Variants in EPB41 observed in about 807,000 individuals in gnomAD.
EPB41 encodes erythrocyte membrane protein band 4.1, also known as protein 4.1.
Under a neutral mutation model 108.0 loss-of-function variants are expected in EPB41, and 65 were observed. The observed-to-expected ratio is 0.60, with a 90% CI of 0.49 to 0.74. The LOEUF (loss-of-function observed/expected upper bound fraction) is 0.74. EPB41 is among the 30% of genes least tolerant of loss of function. The pLI, the probability that EPB41 is intolerant of heterozygous loss-of-function variation, is 0.00. For synonymous variants in EPB41, 336 were observed against 358.9 expected (o/e 0.94, Z 0.72); for missense variants, 875 against 1,037.0 (o/e 0.84, Z 2.15).
intron 15 of EPB41, among the ~76,000 whole-genome samples, chr1:29,063,979 A>G (rs1299132497): frequency 6.6e-6 from 1 of 152,144 alleles, no homozygotes. Context: ...CCTAAGCTTC[A>G]TTCATTTCTC....
chr1:28,938,576 A>C (rs769530397), intron 1 of EPB41, among the ~76,000 whole-genome samples: 1 of 149,696 alleles, frequency 6.7e-6, no homozygotes, highest in Non-Finnish European at 1.5e-5. Flanking sequence ...TGCGTCATCC[A>C]GGCTGGAGTG....
intron 1 of EPB41, among the ~76,000 whole-genome samples, chr1:28,901,010 A>T (rs1275894335): frequency 6.6e-6 from 1 of 151,744 alleles, no homozygotes; most frequent in Non-Finnish European, 1.5e-5. Flanking sequence ...GCTCACTGCA[A>T]ACTCCGCCTC....
chr1:28,926,702 A>G (rs1001073133), intron 1 of EPB41, among the ~76,000 whole-genome samples: 5 of 152,386 alleles, frequency 3.3e-5, no homozygotes, highest in African/African-American at 1.2e-4. Flanking sequence ...TGTGCCTGTC[A>G]GAGGTACTCA....
At chr1:29,087,096 C>A (rs1258676087) in intron 16 of EPB41, among the ~76,000 whole-genome samples, 1 of 151,818 alleles carries the variant, frequency 6.6e-6, no homozygotes, top group African/African-American at 2.4e-5. Flanking sequence ...CGCCCGCCAC[C>A]ATGCCCGGCT....
At chr1:28,934,201 A>C (rs969736819) in intron 1 of EPB41, among the ~76,000 whole-genome samples, 3 of 152,224 alleles carry the variant, frequency 2.0e-5, no homozygotes, top group African/African-American at 7.2e-5. Context: ...TCATTATTAG[A>C]CTTGATAATG....
intron 16 of EPB41, chr1:29,069,479 A>C (rs190299267): frequency 1.7e-6 from 2 of 1,198,836 alleles, no homozygotes; most frequent in African/African-American, 3.1e-5. Context: ...TTGGAGGGAC[A>C]TTATAAACTT....
At chr1:29,109,819 A>G in intron 18 of EPB41, 1 of 338,046 alleles carries the variant, frequency 3.0e-6, no homozygotes. Flanking sequence ...GGATCACCTG[A>G]GATCAGGAGT....
chr1:28,975,404 A>C (rs946613115), intron 1 of EPB41, among the ~76,000 whole-genome samples: 4 of 152,132 alleles, frequency 2.6e-5, no homozygotes, highest in Non-Finnish European at 5.9e-5. Flanking sequence ...AGGCTTTTCA[A>C]GTTTCTCTGC....
intron 1 of EPB41, among the ~76,000 whole-genome samples, chr1:28,888,774 C>T (rs1217403122): frequency 6.6e-6 from 1 of 152,030 alleles, no homozygotes; most frequent in Non-Finnish European, 1.5e-5. Context: ...ATTACAGGCG[C>T]CCGCCACCGC....
chr1:28,915,177 C>T (rs754137099), intron 1 of EPB41, among the ~76,000 whole-genome samples: 13 of 152,176 alleles, frequency 8.5e-5, no homozygotes, highest in African/African-American at 1.7e-4. Context: ...GCGATTTCTT[C>T]CTGGCGAGGG....
At chr1:29,079,350 G>A (rs538251232) in intron 16 of EPB41, among the ~76,000 whole-genome samples, 19 of 151,786 alleles carry the variant, frequency 1.3e-4, no homozygotes, top group African/African-American at 4.3e-4. Flanking sequence ...TTTAAGCGCT[G>A]GTATAAATTT....
chr1:28,974,968 A>AT (rs1362333147), intron 1 of EPB41, among the ~76,000 whole-genome samples: 1 of 151,710 alleles, frequency 6.6e-6, no homozygotes, highest in East Asian at 1.9e-4. Flanking sequence ...CTAATTTTGT[A>AT]TTTTTAGTAG....
At chr1:29,047,975 G>A (rs1558145474) in intron 11 of EPB41, among the ~76,000 whole-genome samples, 1 of 151,590 alleles carries the variant, frequency 6.6e-6, no homozygotes, top group Non-Finnish European at 1.5e-5. Flanking sequence ...GTAGAGACGA[G>A]GTTTCACCAT....
Position 29,039,434 on chromosome 1 carries a change from T to G in EPB41, c.1636+8T>G. On this transcript the variant is annotated splice_region_variant and intron_variant, in intron 11 of 20. Coordinates refer to ENST00000343067, the MANE Select transcript of EPB41 (RefSeq NM_001376013.1). ...CCCGGAGCCTCGATGGAGGTTTGTA[T>G]TGAATATTAATGATTTCTTGTGATC... 6.2e-7 allele frequency: 1 copy of G among 1,613,674 alleles called. No homozygotes were observed. Among genetic ancestry groups the G allele is most frequent in the Non-Finnish European group, 8.5e-7 (1 of 1,179,906 alleles).
intron 1 of EPB41, among the ~76,000 whole-genome samples, chr1:28,978,006 T>C (rs1285916059): frequency 2.1e-5 from 3 of 145,648 alleles, no homozygotes; most frequent in African/African-American, 8.1e-5. Context: ...CATTCATTTT[T>C]ATGTTTTTTC....
At chr1:28,937,364 T>G (rs2094077801) in intron 1 of EPB41, among the ~76,000 whole-genome samples, 1 of 152,226 alleles carries the variant, frequency 6.6e-6, no homozygotes, top group Non-Finnish European at 1.5e-5. Context: ...TTTCCACTTT[T>G]CTGACGCATT....
chr1:29,048,281 C>T (rs1362589185), intron 11 of EPB41, among the ~76,000 whole-genome samples: 2 of 151,956 alleles, frequency 1.3e-5, no homozygotes, highest in Non-Finnish European at 2.9e-5. Flanking sequence ...ATGGCGTGAT[C>T]TCGGCTCACC....
chr1:28,902,155 A>C (rs1481082651), intron 1 of EPB41: 3 of 983,128 alleles, frequency 3.1e-6, no homozygotes, highest in African/African-American at 1.7e-5. Context: ...AATCTCAATA[A>C]ATGTGTGAAT....
At chr1:28,957,003 C>CA (rs1309852701) in intron 1 of EPB41, among the ~76,000 whole-genome samples, 10 of 152,190 alleles carry the variant, frequency 6.6e-5, no homozygotes, top group Non-Finnish European at 8.8e-5. Flanking sequence ...ATAGGCAAGA[C>CA]ATGAAGAAAA....
Sources: allele counts gnomAD v4.1 joint callset (sites outside exome capture counted in the v4.1 genomes callset), GRCh38; gene constraint gnomAD v4.1.1; transcripts MANE v1.5; gene names NCBI Gene and HGNC (gene_info 2026-07-23, HGNC 2026-07-21).